The following RRP15 variants were observed in gnomAD, a reference collection of about 807,000 sequenced individuals.
RRP15 encodes the protein RRP15-like protein.
A neutral mutation model predicts 27.1 loss-of-function variants in RRP15; 18 were observed. The ratio of observed to expected loss-of-function variants is 0.66; its 90% CI spans 0.46 to 0.98. RRP15 has a LOEUF of 0.98. RRP15 is among the 50% of genes least tolerant of loss of function. RRP15 has a pLI of 0.00. For missense variants in RRP15, 359 were observed against 337.8 expected, an observed-to-expected ratio of 1.06 and a Z score of -0.49; for synonymous variants, 107 against 109.4, an observed-to-expected ratio of 0.98 and a Z score of 0.14.
chr1:218,315,490 C>T (rs1214151841), intron 4 of RRP15, among the ~76,000 whole-genome samples: 4 of 152,112 alleles, frequency 2.6e-5, no homozygotes, highest in Non-Finnish European at 4.4e-5. Context: ...TGCAGTGTCA[C>T]GATCTTGGCT....
chr1:218,287,729 A>G (rs1296978561), intron 1 of RRP15, among the ~76,000 whole-genome samples: 1 of 152,222 alleles, frequency 6.6e-6, no homozygotes, highest in African/African-American at 2.4e-5. Flanking sequence ...TTGATAATAT[A>G]CTATGTTATT....
chr1:218,309,699 A>C (rs1655961222), intron 4 of RRP15, among the ~76,000 whole-genome samples: 1 of 151,584 alleles, frequency 6.6e-6, no homozygotes, highest in Non-Finnish European at 1.5e-5. Context: ...AAAAAAAAAA[A>C]AAAAAAAAAC....
intron 4 of RRP15, among the ~76,000 whole-genome samples, chr1:218,317,632 A>C (rs1571805133): frequency 6.6e-6 from 1 of 152,154 alleles, no homozygotes; most frequent in Non-Finnish European, 1.5e-5. Flanking sequence ...TTCATTTGTC[A>C]AGGAATTAAA....
intron 4 of RRP15, among the ~76,000 whole-genome samples, chr1:218,330,207 T>C (rs963323711): frequency 1.3e-5 from 2 of 152,188 alleles, no homozygotes; most frequent in African/African-American, 4.8e-5. Flanking sequence ...GCTGCATCTA[T>C]TGTATTACTT....
chr1:218,308,699 CT>C (rs1333730187), intron 4 of RRP15, among the ~76,000 whole-genome samples: 1 of 152,144 alleles, frequency 6.6e-6, no homozygotes, highest in African/African-American at 2.4e-5. Context: ...CTACTTGTCT[CT>C]TTCTTGAATA....
chr1:218,314,046 A>C (rs1437959095), intron 4 of RRP15, among the ~76,000 whole-genome samples: 1 of 150,986 alleles, frequency 6.6e-6, no homozygotes, highest in Non-Finnish European at 1.5e-5. Flanking sequence ...AAAGAGATGG[A>C]ATCTTGCTAT....
chr1:218,305,567 C>A (rs1225200513), intron 3 of RRP15, among the ~76,000 whole-genome samples: 3 of 152,142 alleles, frequency 2.0e-5, no homozygotes, highest in Non-Finnish European at 4.4e-5. Flanking sequence ...TGTCCAAAGA[C>A]AAACAGGATA....
intron 4 of RRP15, among the ~76,000 whole-genome samples, chr1:218,321,395 C>T (rs750106442): frequency 3.9e-5 from 6 of 152,144 alleles, no homozygotes; most frequent in Non-Finnish European, 8.8e-5. Context: ...TGAAAGACTC[C>T]GTAAGTTGAT....
intron 1 of RRP15, among the ~76,000 whole-genome samples, chr1:218,300,624 C>T (rs1039533451): frequency 1.3e-5 from 2 of 152,038 alleles, no homozygotes; most frequent in Non-Finnish European, 1.5e-5. Flanking sequence ...TAACAATAAG[C>T]TGATATAAAA....
intron 4 of RRP15, among the ~76,000 whole-genome samples, chr1:218,315,563 G>C (rs1656075703): frequency 6.6e-6 from 1 of 151,880 alleles, no homozygotes; most frequent in African/African-American, 2.4e-5. Flanking sequence ...GAGTAGCTGA[G>C]ATTACAGGCG....
intron 2 of RRP15, among the ~76,000 whole-genome samples, chr1:218,303,099 A>G (rs573323486): frequency 6.6e-6 from 1 of 152,302 alleles, no homozygotes; most frequent in South Asian, 2.1e-4. Flanking sequence ...GGTATAATCT[A>G]TTAATTAAAG....
chr1:218,330,668 T>G (rs570837636), intron 4 of RRP15, among the ~76,000 whole-genome samples: 350 of 152,278 alleles, frequency 2.3e-3, no homozygotes, highest in African/African-American at 8.0e-3. Flanking sequence ...TAGATTTATA[T>G]TTTTTCCCTC....
chr1:218,324,193 G>A (rs971300255), intron 4 of RRP15, among the ~76,000 whole-genome samples: 6 of 152,140 alleles, frequency 3.9e-5, no homozygotes, highest in African/African-American at 1.4e-4. Context: ...CCAGGAGCGG[G>A]CCTGGGAACT....
rs1656461384 is a variant in RRP15, at chr1:218,337,133, T to C, written c.*6042T>C. On this transcript the variant is annotated 3_prime_UTR_variant, in exon 5 of 5. Transcript: ENST00000366932. Reference sequence around the variant, plus strand: ...AGATTGGATTAATGTATGCAGTGTCTATCTAGCACAGTGCCTGTTATGTAG... The same window carrying C: ...AGATTGGATTAATGTATGCAGTGTCCATCTAGCACAGTGCCTGTTATGTAG... The C allele has an allele frequency of 2.0e-5, 3 of 152,210 alleles. No individual in the cohort carries two copies. In the South Asian group the frequency reaches 6.2e-4, roughly 31 times the overall value. The allele number at this position is 152,210 out of a possible 1,614,324, so 9.4% of individuals were successfully genotyped here.
At position 218,331,076 on chromosome 1, in the gene RRP15, T is replaced by G; in HGVS notation, c.834T>G (p.Ser278Arg). ...ATGACAGCAGACCAGAATCTGCAAG[T>G]GACTCTGATACATAAAGCATCATAG... ...GPDDSRPESASDSDT is the reference protein window; with the variant it reads ...GPDDSRPESARDSDT Residue 278 changes from serine (S) to arginine (R), a missense_variant, in exon 5 of 5, where the codon AGT becomes AGG. By Grantham distance (110) the Ser-to-Arg change is moderately radical (BLOSUM62 -1). Coordinates refer to ENST00000366932, the MANE Select transcript of RRP15 (RefSeq NM_016052.4). 1 of 1,611,886 alleles carries G rather than the reference T, an allele frequency of 6.2e-7. No individual in the cohort carries two copies. The highest frequency in any genetic ancestry group is 8.5e-7 in the Non-Finnish European group (1 of 1,178,576).
intron 1 of RRP15, chr1:218,301,492 A>T (rs887127673): frequency 3.9e-5 from 6 of 152,218 alleles, no homozygotes; most frequent in African/African-American, 1.2e-4. Context: ...CGCCTTCTGG[A>T]CTATTGTTTC....
chr1:218,313,776 G>A (rs1656038266), intron 4 of RRP15, among the ~76,000 whole-genome samples: 2 of 152,120 alleles, frequency 1.3e-5, no homozygotes, highest in Non-Finnish European at 2.9e-5. Flanking sequence ...AAGATGAATA[G>A]TCTATTTTAG....
At chr1:218,318,524 A>G (rs577697555) in intron 4 of RRP15, among the ~76,000 whole-genome samples, 1 of 152,164 alleles carries the variant, frequency 6.6e-6, no homozygotes, top group Non-Finnish European at 1.5e-5. Context: ...TTACTTCATT[A>G]TGGTGTCATT....
intron 1 of RRP15, among the ~76,000 whole-genome samples, chr1:218,299,026 T>C (rs1049102291): frequency 1.3e-5 from 2 of 152,224 alleles, no homozygotes; most frequent in East Asian, 1.9e-4. Context: ...TCTGCTGTTA[T>C]AAATCAGTGA....
Sources: allele counts gnomAD v4.1 joint callset (sites outside exome capture counted in the v4.1 genomes callset), GRCh38; gene constraint gnomAD v4.1.1; transcripts MANE v1.5; gene names NCBI Gene and HGNC (gene_info 2026-07-23, HGNC 2026-07-21).